The following EXOC6B variants were observed in gnomAD, a reference collection of about 807,000 sequenced individuals.
The protein encoded by EXOC6B is SEC15 homolog B.
A neutral mutation model predicts 113.5 loss-of-function variants in EXOC6B; 54 were observed. That is an observed-to-expected ratio of 0.48 (90% CI 0.38 to 0.60). The LOEUF is 0.60. EXOC6B is among the 20% of genes least tolerant of loss of function. EXOC6B has a pLI of 0.00. For missense variants in EXOC6B, 797 were observed against 977.5 expected (o/e 0.82, Z 2.46); for synonymous variants, 357 against 339.0 (o/e 1.05, Z -0.58).
At chr2:72,515,151 G>A in intron 8 of EXOC6B, 25 bp from the exon 9 acceptor site, 1 of 1,567,432 alleles carries the variant, frequency 6.4e-7, no homozygotes, top group Non-Finnish European at 8.7e-7. Context: ...AAGAAAATGG[G>A]TTGACACAAT....
At chr2:72,750,350 C>A (rs949133743) in intron 1 of EXOC6B, among the ~76,000 whole-genome samples, 1 of 152,042 alleles carries the variant, frequency 6.6e-6, no homozygotes. Flanking sequence ...AGATTGGATA[C>A]ACTGTGAAAA....
At chr2:72,438,229 T>C (rs1363858860) in intron 18 of EXOC6B, among the ~76,000 whole-genome samples, 1 of 151,852 alleles carries the variant, frequency 6.6e-6, no homozygotes, top group Non-Finnish European at 1.5e-5. Context: ...TATGAAGATA[T>C]ATTAAAACTC....
At chr2:72,524,132 A>G (rs974081316) in intron 8 of EXOC6B, among the ~76,000 whole-genome samples, 1 of 150,068 alleles carries the variant, frequency 6.7e-6, no homozygotes, top group Non-Finnish European at 1.5e-5. Context: ...CCAAGTGAAG[A>G]CAGGTTTATA....
chr2:72,227,842 C>A (rs1681341235), intron 20 of EXOC6B, among the ~76,000 whole-genome samples: 1 of 152,148 alleles, frequency 6.6e-6, no homozygotes, highest in African/African-American at 2.4e-5. Flanking sequence ...CTTAGCAAAA[C>A]AACTTTGTAG....
intron 1 of EXOC6B, among the ~76,000 whole-genome samples, chr2:72,810,335 TAAAA>T (rs1265655768): frequency 1.7e-5 from 2 of 120,886 alleles, no homozygotes; most frequent in East Asian, 2.6e-4. Context: ...ACCTTGTCTC[TAAAA>T]TAAATAAATA....
intron 20 of EXOC6B, among the ~76,000 whole-genome samples, chr2:72,196,382 T>C (rs1364036055): frequency 2.0e-5 from 3 of 152,100 alleles, no homozygotes; most frequent in African/African-American, 4.8e-5. Context: ...TAAGCTAGGC[T>C]CTCTGTGGCC....
At chr2:72,369,432 C>A (rs189077819) in intron 19 of EXOC6B, among the ~76,000 whole-genome samples, 74 of 152,292 alleles carry the variant, frequency 4.9e-4, no homozygotes, top group South Asian at 3.9e-3. Context: ...AATGGCCATA[C>A]TGCCCAAGGT....
intron 6 of EXOC6B, among the ~76,000 whole-genome samples, chr2:72,635,526 T>C (rs115783722): frequency 0.022 from 3,422 of 152,174 alleles, 130 homozygotes; most frequent in African/African-American, 0.077. Context: ...AATAGATAAT[T>C]TGAATAGTCC....
At chr2:72,482,612 T>C (rs1186587557) in intron 16 of EXOC6B, among the ~76,000 whole-genome samples, 1 of 152,180 alleles carries the variant, frequency 6.6e-6, no homozygotes, top group Non-Finnish European at 1.5e-5. Context: ...AAAGTTTGAA[T>C]TTAAATTCAG....
intron 6 of EXOC6B, among the ~76,000 whole-genome samples, chr2:72,691,743 G>A (rs1433916905): frequency 2.0e-5 from 3 of 148,484 alleles, no homozygotes; most frequent in Non-Finnish European, 4.4e-5. Context: ...GTACTGTGGT[G>A]CAATCTCAGC....
intron 1 of EXOC6B, among the ~76,000 whole-genome samples, chr2:72,766,958 A>G (rs1265612326): frequency 6.7e-6 from 1 of 148,204 alleles, no homozygotes. Flanking sequence ...TCTCAAAAGA[A>G]AAAAAAAAAA....
chr2:72,560,740 C>A (rs1016249712), intron 7 of EXOC6B, among the ~76,000 whole-genome samples: 1 of 151,784 alleles, frequency 6.6e-6, no homozygotes, highest in Non-Finnish European at 1.5e-5. Flanking sequence ...TCCTTGATAG[C>A]ACTGTATACT....
chr2:72,229,452 C>T (rs981156995), intron 20 of EXOC6B, among the ~76,000 whole-genome samples: 5 of 152,094 alleles, frequency 3.3e-5, no homozygotes, highest in African/African-American at 1.2e-4. Flanking sequence ...TTTATGACAA[C>T]AGGACAAGTT....
chr2:72,268,145 C>G (rs1684251552), intron 20 of EXOC6B, among the ~76,000 whole-genome samples: 1 of 152,132 alleles, frequency 6.6e-6, no homozygotes, highest in African/African-American at 2.4e-5. Context: ...GAGTCTCACT[C>G]TGTTGCCCAG....
chr2:72,342,116 G>T (rs1036578510), intron 19 of EXOC6B, among the ~76,000 whole-genome samples: 6 of 151,936 alleles, frequency 3.9e-5, no homozygotes, highest in African/African-American at 1.4e-4. Flanking sequence ...ATTCTTATTA[G>T]AATTTATTAG....
chr2:72,465,053 T>C (rs1209383968), intron 18 of EXOC6B, 107 bp downstream of exon 18: 9 of 906,020 alleles, frequency 9.9e-6, no homozygotes, highest in African/African-American at 1.7e-5. Context: ...CTTTATATAC[T>C]GAAAATCTTC....
intron 1 of EXOC6B, among the ~76,000 whole-genome samples, chr2:72,746,885 G>T (rs1457956012): frequency 1.3e-5 from 2 of 152,016 alleles, no homozygotes; most frequent in African/African-American, 4.8e-5. Flanking sequence ...GTTGAAACAG[G>T]TCTTAGAGAT....
At chr2:72,431,441 A>G (rs1328094227) in intron 18 of EXOC6B, among the ~76,000 whole-genome samples, 1 of 151,922 alleles carries the variant, frequency 6.6e-6, no homozygotes, top group African/African-American at 2.4e-5. Context: ...CCGCCTGGAG[A>G]GCTGGGAGTA....
intron 21 of EXOC6B, among the ~76,000 whole-genome samples, chr2:72,180,625 AG>A (rs1678017435): frequency 6.6e-6 from 1 of 152,154 alleles, no homozygotes; most frequent in South Asian, 2.1e-4. Flanking sequence ...AGAAGAGAGG[AG>A]GGAAGGAACA....
Sources: gnomAD v4.1 joint callset for allele counts (sites outside exome capture counted in the v4.1 genomes callset) on GRCh38, gnomAD v4.1.1 for gene constraint, MANE v1.5 for transcripts, NCBI Gene and HGNC (gene_info 2026-07-23, HGNC 2026-07-21) for gene names.